TMEM132C: variants seen among roughly 807,000 people sequenced by gnomAD.
TMEM132C encodes protein phosphatase 1, regulatory subunit 152.
A neutral mutation model predicts 61.4 loss-of-function variants in TMEM132C; 29 were observed. The observed-to-expected ratio is 0.47, with a 90% CI of 0.35 to 0.64. The LOEUF (loss-of-function observed/expected upper bound fraction) is 0.64. TMEM132C is among the 30% of genes least tolerant of loss of function. TMEM132C has a pLI of 0.00. For missense variants in TMEM132C, 1,408 were observed against 1,476.9 expected (o/e 0.95, Z 0.76); for synonymous variants, 656 against 633.1 (o/e 1.04, Z -0.54).
rs745990069 is a variant in TMEM132C, at chr12:128,325,564, T to G, written c.85+58077T>G. On this transcript the variant is annotated intron_variant, in intron 1 of 8. Transcript: ENST00000435159. ...TATGTATATACAGAGTGTATATTCTTCATGAAAGTTACTTAAAATGTGCAG... is the reference window on the plus strand; with the variant it reads ...TATGTATATACAGAGTGTATATTCTGCATGAAAGTTACTTAAAATGTGCAG... 1.0e-3 allele frequency among the ~76,000 whole-genome samples: 152 copies of G among 152,202 alleles called. 3 individuals carry two copies. Among genetic ancestry groups the G allele is most frequent in the Non-Finnish European group, 2.8e-4 (19 of 68,026 alleles).
chr12:128,471,350 C>T (rs186069733), intron 2 of TMEM132C, among the ~76,000 whole-genome samples: 1 of 152,190 alleles, frequency 6.6e-6, no homozygotes, highest in Admixed American at 6.5e-5. Flanking sequence ...GATCTTAAGG[C>T]ATTAATTTAG....
chr12:128,357,705 A>AG (rs1160401139), intron 1 of TMEM132C, among the ~76,000 whole-genome samples: 3 of 151,392 alleles, frequency 2.0e-5, no homozygotes, highest in Non-Finnish European at 2.9e-5. Flanking sequence ...AAAAAAAAAA[A>AG]AAAAAGAAAA....
At chr12:128,279,893 A>G (rs1468235265) in intron 1 of TMEM132C, among the ~76,000 whole-genome samples, 1 of 152,188 alleles carries the variant, frequency 6.6e-6, no homozygotes, top group Non-Finnish European at 1.5e-5. Flanking sequence ...CAGAAATTTC[A>G]GCCTATTGTT....
At chr12:128,619,341 G>T (rs1953935917) in intron 4 of TMEM132C, among the ~76,000 whole-genome samples, 3 of 152,318 alleles carry the variant, frequency 2.0e-5, no homozygotes, top group African/African-American at 7.2e-5. Context: ...GAGAGCCACG[G>T]ATAGGAGGAT....
chr12:128,414,935 G>A lies in TMEM132C; in HGVS notation c.289G>A (p.Ala97Thr). 1 of 1,551,746 alleles carries A rather than the reference G, an allele frequency of 6.4e-7. No homozygotes were observed. ...YKTRQPPVLN[A>T]SYGPFSVEKV... ...AACCAGGCAGCCCCCAGTGCTCAAT[G>A]CCAGCTATGGACCCTTTTCTGTGGA... The change falls in exon 2 of 9, where the codon GCC becomes ACC. Residue 97 changes from alanine (A) to threonine (T), a missense_variant. Coordinates refer to ENST00000435159, the MANE Select transcript of TMEM132C (RefSeq NM_001136103.3).
At position 128,415,541 on chromosome 12, in the gene TMEM132C, A is replaced by G. The variant is rs1868750671; in HGVS notation, c.895A>G (p.Arg299Gly). The G allele has an allele frequency of 6.4e-7, 1 of 1,551,384 alleles. No homozygotes were observed. Among genetic ancestry groups the G allele is most frequent in the Non-Finnish European group, 8.7e-7 (1 of 1,146,978 alleles). The change falls in exon 2 of 9, where the codon AGG (arginine) becomes GGG (glycine). Residue 299 changes from arginine (R) to glycine (G), a missense_variant. Coordinates refer to ENST00000435159, the MANE Select transcript of TMEM132C (RefSeq NM_001136103.3). This position sits in a 1 kb window ranked among gnomAD's most constrained non-coding sequence, Gnocchi z 5.8. ...TAACGTGGTCATCTGGCTGCCTTCC[A>G]GGCCAGTCAAGCAGGGAGAGGTGGT... ...DGNVVIWLPS[R>G]PVKQGEVVTA... is the part of the protein sequence containing the mutation.
intron 2 of TMEM132C, among the ~76,000 whole-genome samples, chr12:128,477,401 GTGTTCTA>G (rs983310058): frequency 5.3e-5 from 8 of 152,172 alleles, no homozygotes; most frequent in Non-Finnish European, 1.2e-4. Context: ...CATTTCCATT[GTGTTCTA>G]TTAGCTAAAG....
chr12:128,397,151 T>C (rs1408196781), intron 1 of TMEM132C, among the ~76,000 whole-genome samples: 3 of 152,154 alleles, frequency 2.0e-5, no homozygotes, highest in East Asian at 3.9e-4. Flanking sequence ...TTCTAGTAGT[T>C]GGGCTCAGGA....
At chr12:128,467,514 G>T (rs1870775705) in intron 2 of TMEM132C, among the ~76,000 whole-genome samples, 1 of 152,150 alleles carries the variant, frequency 6.6e-6, no homozygotes. Context: ...CAACTGAGCT[G>T]TTTCGTTGTG....
intron 8 of TMEM132C, among the ~76,000 whole-genome samples, chr12:128,699,776 A>C (rs1448474906): frequency 6.6e-6 from 1 of 152,166 alleles, no homozygotes; most frequent in African/African-American, 2.4e-5. Flanking sequence ...GGCGCAGAAC[A>C]TCTTTGGTGG....
At position 128,657,331 on chromosome 12, in the gene TMEM132C, C is replaced by T. The variant is rs868247279; in HGVS notation, c.1306-12086C>T. ...AGAGGGAAAACGTAAGTTAATATCTCAATATTATCCCAGCAAACAGATTTC... is the reference window on the plus strand; with the variant it reads ...AGAGGGAAAACGTAAGTTAATATCTTAATATTATCCCAGCAAACAGATTTC... On this transcript the variant is annotated intron_variant, in intron 4 of 8. Transcript: ENST00000435159. Among the ~76,000 whole-genome samples the T allele has an allele frequency of 5.9e-5, 9 of 152,130 alleles. No individual in the cohort carries two copies. In the South Asian group the frequency reaches 1.5e-3, roughly 25 times the overall value.
chr12:128,697,553 A>C, intron 8 of TMEM132C, 138 bp downstream of exon 8: 1 of 910,770 alleles, frequency 1.1e-6, no homozygotes, highest in South Asian at 2.0e-5. Context: ...GTCATTGCAG[A>C]CAAAGTGCTC....
chr12:128,504,415 A>G (rs1285610936), intron 2 of TMEM132C, among the ~76,000 whole-genome samples: 1 of 152,204 alleles, frequency 6.6e-6, no homozygotes, highest in African/African-American at 2.4e-5. Flanking sequence ...ATGTTGGACA[A>G]TCTTTGGAAA....
chr12:128,477,684 A>G (rs1318926527), intron 2 of TMEM132C, among the ~76,000 whole-genome samples: 1 of 152,104 alleles, frequency 6.6e-6, no homozygotes, highest in Admixed American at 6.5e-5. Flanking sequence ...GGTTCAAGCA[A>G]TTCTCCTACC....
rs1038312747 is a variant in TMEM132C at position 128,570,684 on chromosome 12, C to G, written c.1121+26581C>G. Among the ~76,000 whole-genome samples the G allele has an allele frequency of 6.6e-6, 1 of 152,146 alleles. No homozygotes were observed. Among genetic ancestry groups the G allele is most frequent in the Non-Finnish European group, 1.5e-5 (1 of 68,038 alleles). On this transcript the variant is annotated intron_variant, in intron 3 of 8. Transcript: ENST00000435159. The surrounding 1 kb of genome is among the most constrained non-coding windows in gnomAD (Gnocchi z 4.7). ...CCATCTATGGCATGTGGTGGCTTTT[C>G]TCATGCTCACAGGATGACAGCTATA...
chr12:128,388,487 ACT>A (rs767177972), intron 1 of TMEM132C, among the ~76,000 whole-genome samples: 14 of 152,096 alleles, frequency 9.2e-5, no homozygotes, highest in Non-Finnish European at 1.5e-4. Flanking sequence ...CATTCTTTTA[ACT>A]GCTGTGTGTG....
intron 1 of TMEM132C, among the ~76,000 whole-genome samples, chr12:128,401,459 C>T (rs1020578752): frequency 2.0e-5 from 3 of 152,192 alleles, no homozygotes; most frequent in East Asian, 1.9e-4. Context: ...GATACTTGCT[C>T]CTGTATTTAG....
chr12:128,427,532 G>T (rs1869236094), intron 2 of TMEM132C, among the ~76,000 whole-genome samples: 1 of 151,966 alleles, frequency 6.6e-6, no homozygotes, highest in African/African-American at 2.4e-5. Flanking sequence ...GAGGCAGGCT[G>T]TGGGTCTCAG....
At chr12:128,653,771 G>A (rs778529165) in intron 4 of TMEM132C, among the ~76,000 whole-genome samples, 5 of 152,198 alleles carry the variant, frequency 3.3e-5, no homozygotes, top group Non-Finnish European at 7.3e-5. Flanking sequence ...ATCATGGTGA[G>A]GTGCGAGGTG....
Sources: allele counts gnomAD v4.1 joint callset (sites outside exome capture counted in the v4.1 genomes callset), GRCh38; gene constraint gnomAD v4.1.1; non-coding constraint Gnocchi (gnomAD v3.1); transcripts MANE v1.5; gene names NCBI Gene and HGNC (gene_info 2026-07-23, HGNC 2026-07-21).